The following CHCHD3 variants were observed in gnomAD, a reference collection of about 807,000 sequenced individuals.
CHCHD3 encodes MICOS complex subunit MIC19.
Under a neutral mutation model 38.2 loss-of-function variants are expected in CHCHD3, and 20 were observed. The observed-to-expected ratio is 0.52, with a 90% confidence interval of 0.37 to 0.76. The LOEUF (loss-of-function observed/expected upper bound fraction) is 0.76. CHCHD3 is among the 30% of genes least tolerant of loss of function. The pLI, the probability that CHCHD3 is intolerant of heterozygous loss-of-function variation, is 0.00. For synonymous variants in CHCHD3, 82 were observed against 100.0 expected (o/e 0.82, Z 1.07); for missense variants, 245 against 279.2 (o/e 0.88, Z 0.87).
chr7:132,913,203 T>C (rs1810000301), intron 4 of CHCHD3, among the ~76,000 whole-genome samples: 1 of 152,236 alleles, frequency 6.6e-6, no homozygotes, highest in Non-Finnish European at 1.5e-5. Context: ...AAAATGTGGC[T>C]ATCCCCCAAG....
At chr7:132,855,670 C>T (rs558018225) in intron 5 of CHCHD3, among the ~76,000 whole-genome samples, 9 of 152,134 alleles carry the variant, frequency 5.9e-5, no homozygotes, top group Non-Finnish European at 1.0e-4. Flanking sequence ...TGCAGGATTC[C>T]GGAGTCTCTA....
chr7:133,060,840 G>GT (rs975631810), intron 2 of CHCHD3, among the ~76,000 whole-genome samples: 45 of 152,298 alleles, frequency 3.0e-4, no homozygotes, highest in African/African-American at 1.1e-3. Flanking sequence ...AACCTGGGAG[G>GT]TGGAGGTTGC....
At chr7:132,997,659 T>TAAAAAAAAAAA (rs71178073) in intron 3 of CHCHD3, among the ~76,000 whole-genome samples, 6 of 81,770 alleles carry the variant, frequency 7.3e-5, no homozygotes, top group African/African-American at 1.9e-4. Context: ...AACAGGGTTG[T>TAAAAAAAAAAA]AAAAAAAAAA....
chr7:132,998,450 G>A (rs1159133315), intron 3 of CHCHD3, among the ~76,000 whole-genome samples: 6 of 152,142 alleles, frequency 3.9e-5, no homozygotes, highest in African/African-American at 1.4e-4. Context: ...TCTCAGGTGT[G>A]AAATTGATGC....
In CHCHD3 at chr7:132,963,174, T is replaced by C. The variant is rs897776727; in HGVS notation, c.369+11995A>G. Among the ~76,000 whole-genome samples the C allele has an allele frequency of 7.4e-5, 11 of 149,036 alleles. 1 individual carries two copies. In the South Asian group the frequency reaches 1.3e-3, roughly 17 times the overall value. ...AAAAAAAATATATATATATATAATA[T>C]ATGTAGGCAGAAATAGAATGATAAA... is the stretch of plus-strand genomic sequence containing the variant. On this transcript the variant is annotated intron_variant, in intron 4 of 7. Coordinates refer to ENST00000262570, the MANE Select transcript of CHCHD3 (RefSeq NM_017812.4).
intron 6 of CHCHD3, among the ~76,000 whole-genome samples, chr7:132,824,946 T>C (rs1478402954): frequency 1.3e-5 from 2 of 152,370 alleles, no homozygotes; most frequent in South Asian, 4.1e-4. Context: ...GCATTTAACA[T>C]GTTTTGGTCA....
intron 5 of CHCHD3, among the ~76,000 whole-genome samples, chr7:132,885,223 G>A (rs1426926068): frequency 6.6e-6 from 1 of 152,192 alleles, no homozygotes; most frequent in African/African-American, 2.4e-5. Flanking sequence ...CTAGACTCCA[G>A]TCTGGGCGAC....
intron 4 of CHCHD3, among the ~76,000 whole-genome samples, chr7:132,889,520 G>T (rs544998832): frequency 3.3e-5 from 5 of 152,170 alleles, no homozygotes; most frequent in Admixed American, 6.5e-5. Flanking sequence ...CCTTGAAAAA[G>T]TTTAAAATAA....
intron 5 of CHCHD3, among the ~76,000 whole-genome samples, chr7:132,845,677 G>A (rs1016340953): frequency 6.6e-6 from 1 of 152,166 alleles, no homozygotes; most frequent in Non-Finnish European, 1.5e-5. Flanking sequence ...GAATCTCTAA[G>A]ATGAGAACTA....
chr7:133,000,226 T>C (rs1812530751), intron 3 of CHCHD3, among the ~76,000 whole-genome samples: 1 of 152,160 alleles, frequency 6.6e-6, no homozygotes, highest in South Asian at 2.1e-4. Flanking sequence ...TTTAAAAGAA[T>C]TGATGCTACA....
At chr7:132,865,240 T>C (rs1468975179) in intron 5 of CHCHD3, among the ~76,000 whole-genome samples, 1 of 152,214 alleles carries the variant, frequency 6.6e-6, no homozygotes, top group Admixed American at 6.5e-5. Context: ...CTTTTTTAGC[T>C]GTACCTAACT....
In CHCHD3 at chr7:133,070,193, A is replaced by G; in HGVS notation, c.118T>C (p.Ser40Pro). 1 of 1,613,540 alleles carries G rather than the reference A, an allele frequency of 6.2e-7. No homozygotes were observed. Among genetic ancestry groups the G allele is most frequent in the Admixed American group, 1.7e-5 (1 of 59,958 alleles). ...ENVIDRMKES[S>P]PSGSKSQRYS... Reference sequence around the variant, plus strand: ...CGCTGAGACTTCGAACCAGATGGAGAGGATTCCTTCATTCGATCAATCACA... The same window carrying G: ...CGCTGAGACTTCGAACCAGATGGAGGGGATTCCTTCATTCGATCAATCACA... The change falls in exon 2 of 8, where the codon TCT becomes CCT. Residue 40 changes from serine (S) to proline (P), a missense_variant. Ser to Pro is a moderately conservative substitution (Grantham distance 74, BLOSUM62 -1). Transcript: ENST00000262570.
At chr7:132,968,277 G>A (rs117271993) in intron 4 of CHCHD3, among the ~76,000 whole-genome samples, 19 of 152,140 alleles carry the variant, frequency 1.2e-4, no homozygotes, top group Non-Finnish European at 2.4e-4. Context: ...CCCACCTGTC[G>A]TGAGGGATGC....
intron 4 of CHCHD3, chr7:132,973,143 C>G (rs1246201489): frequency 1.0e-6 from 1 of 985,166 alleles, no homozygotes; most frequent in African/African-American, 1.7e-5. Context: ...GAGAGTAAGA[C>G]AGTATGTCCA....
chr7:133,032,041 G>A (rs538071461), intron 2 of CHCHD3, among the ~76,000 whole-genome samples: 1 of 152,256 alleles, frequency 6.6e-6, no homozygotes, highest in South Asian at 2.1e-4. Flanking sequence ...ATAGGTTACA[G>A]GATAAATCTT....
chr7:133,021,770 A>G (rs944423632), intron 3 of CHCHD3, among the ~76,000 whole-genome samples: 7 of 152,156 alleles, frequency 4.6e-5, no homozygotes, highest in African/African-American at 9.7e-5. Flanking sequence ...TCACTATACT[A>G]TATTTTTCAT....
intron 6 of CHCHD3, among the ~76,000 whole-genome samples, chr7:132,805,550 G>A (rs1806897205): frequency 6.6e-6 from 1 of 152,138 alleles, no homozygotes; most frequent in Admixed American, 6.5e-5. Flanking sequence ...TGGACAGTCT[G>A]CCAAGAAGAG....
At chr7:132,807,841 C>T (rs899992472) in intron 6 of CHCHD3, among the ~76,000 whole-genome samples, 1 of 151,400 alleles carries the variant, frequency 6.6e-6, no homozygotes, top group African/African-American at 2.4e-5. Flanking sequence ...TATTGCTTAT[C>T]AAGAAATAAT....
rs143414489 is a variant in CHCHD3, at chr7:132,915,898, T to C, written c.370-30153A>G. On this transcript the variant is annotated intron_variant, in intron 4 of 7. Coordinates refer to ENST00000262570, the MANE Select transcript of CHCHD3 (RefSeq NM_017812.4). ...TACTAAGGACATGACATAGTTGGTGTGTGTAATATTGTGCTTTGTGGTGAG... is the reference window on the plus strand; with the variant it reads ...TACTAAGGACATGACATAGTTGGTGCGTGTAATATTGTGCTTTGTGGTGAG... 6.5e-3 allele frequency among the ~76,000 whole-genome samples: 987 copies of C among 152,176 alleles called. 11 individuals are homozygous for C. Among genetic ancestry groups the C allele is most frequent in the African/African-American group, 0.022 (915 of 41,518 alleles).
Sources: allele counts gnomAD v4.1 joint callset (sites outside exome capture counted in the v4.1 genomes callset), GRCh38; gene constraint gnomAD v4.1.1; transcripts MANE v1.5; gene names NCBI Gene and HGNC (gene_info 2026-07-23, HGNC 2026-07-21).